The following PTPN21 variants were observed in gnomAD, a reference collection of about 807,000 sequenced individuals.
The protein encoded by PTPN21 is protein tyrosine phosphatase non-receptor type 21, also known as tyrosine-protein phosphatase non-receptor type 21.
PTPN21 carries 77 observed loss-of-function variants against 131.8 expected under a neutral mutation model. The observed-to-expected ratio is 0.58, with a 90% CI of 0.49 to 0.71. PTPN21 has a LOEUF of 0.71. PTPN21 is among the 30% of genes least tolerant of loss of function. The probability of loss-of-function intolerance (pLI) is 0.00; values close to 1 mark genes in which losing one functional copy is unlikely to be tolerated. For missense variants in PTPN21, 1,552 were observed against 1,527.1 expected, an observed-to-expected ratio of 1.02 and a Z score of -0.27; for synonymous variants, 715 against 621.3, an observed-to-expected ratio of 1.15 and a Z score of -2.24.
chr14:88,505,940 T>C (rs982985680), intron 4 of PTPN21, among the ~76,000 whole-genome samples: 1 of 152,202 alleles, frequency 6.6e-6, no homozygotes, highest in Non-Finnish European at 1.5e-5. Context: ...AAATGATACA[T>C]GTCTCCATGC....
rs371081340 is a variant in PTPN21, at chr14:88,468,983, G to A, written c.3329C>T (p.Ala1110Val). ...PNPPLLVHCSAGVGRTGVVIL... is the reference protein window; with the variant it reads ...PNPPLLVHCSVGVGRTGVVIL... ...CACCACGCCAGTCCTTCCTACCCCA[G>A]CACTGCAGTGGACCAACAACGGAGG... is the stretch of plus-strand genomic sequence containing the variant. Residue 1110 changes from alanine to valine, a missense_variant, in exon 18 of 19, where the codon GCT becomes GTT. By Grantham distance (64) the Ala-to-Val change is moderately conservative. Around this residue, in one of 4 missense-constraint regions of PTPN21, gnomAD observed 316 missense variants for 378.5 expected, o/e 0.83. Transcript: ENST00000556564. 4.3e-6 allele frequency: 7 copies of A among 1,614,010 alleles called. No homozygotes were observed. The highest frequency in any genetic ancestry group is 3.3e-5 in the Admixed American group (2 of 59,996).
chr14:88,482,296 T>C (rs2077663208), intron 12 of PTPN21, among the ~76,000 whole-genome samples: 1 of 152,084 alleles, frequency 6.6e-6, no homozygotes, highest in Admixed American at 6.6e-5. Flanking sequence ...GCTCAGGGAA[T>C]ATTGTGTGGA....
chr14:88,485,195 A>C, intron 11 of PTPN21, 35 bp from the exon 12 acceptor site: 1 of 1,364,504 alleles, frequency 7.3e-7, no homozygotes, highest in South Asian at 1.4e-5. Flanking sequence ...GGGTTGAAAC[A>C]CATTGCTTAT....
intron 2 of PTPN21, among the ~76,000 whole-genome samples, chr14:88,526,615 AAT>A (rs1198578068): frequency 6.6e-6 from 1 of 151,302 alleles, no homozygotes; most frequent in Admixed American, 6.6e-5. Context: ...TCAGTAAAAA[AAT>A]GTTTTTAAAG....
chr14:88,493,826 T>C (rs1215296806), intron 10 of PTPN21, among the ~76,000 whole-genome samples: 3 of 152,172 alleles, frequency 2.0e-5, no homozygotes, highest in African/African-American at 7.2e-5. Context: ...GACGTACCAT[T>C]TTCCTAAGGG....
intron 2 of PTPN21, chr14:88,547,537 C>A: frequency 2.7e-6 from 1 of 374,250 alleles, no homozygotes; most frequent in Middle Eastern, 4.7e-4. Flanking sequence ...ACCTGTAGTC[C>A]CAGCTCTTGG....
At chr14:88,493,070 G>A (rs1461907674) in intron 10 of PTPN21, 3 of 456,524 alleles carry the variant, frequency 6.6e-6, no homozygotes, top group African/African-American at 6.0e-5. Flanking sequence ...CCACTTACTA[G>A]TTGTGTGGCA....
intron 3 of PTPN21, among the ~76,000 whole-genome samples, chr14:88,508,532 CCCAG>C: frequency 6.6e-6 from 1 of 152,192 alleles, no homozygotes; most frequent in Middle Eastern, 3.4e-3. Context: ...AATTACTTAT[CCCAG>C]ATTATAGTTA....
At chr14:88,550,111 A>G in intron 2 of PTPN21, 127 bp downstream of exon 2, 2 of 950,178 alleles carry the variant, frequency 2.1e-6, no homozygotes, top group Non-Finnish European at 3.1e-6. Context: ...ACAGGGTTTC[A>G]CCATGTTGGC....
In PTPN21 at chr14:88,469,803, AT is replaced by A; in HGVS notation, c.3001-71del. ...GATGCCTTTCTCACATAGACGGCAC[AT>A]CTGAAACAGAACCACAACCCTACCC... On this transcript the variant is annotated intron_variant, in intron 16 of 18. Coordinates refer to ENST00000556564, the MANE Select transcript of PTPN21 (RefSeq NM_007039.4). The surrounding 1 kb of genome is among the most constrained non-coding windows in gnomAD (Gnocchi z 4.3). 1 of 1,598,024 alleles carries A rather than the reference AT, an allele frequency of 6.3e-7. No homozygotes were observed. Among genetic ancestry groups the A allele is most frequent in the Non-Finnish European group, 8.6e-7 (1 of 1,165,578 alleles).
chr14:88,526,956 C>G (rs1030123854), intron 2 of PTPN21, among the ~76,000 whole-genome samples: 7 of 152,178 alleles, frequency 4.6e-5, no homozygotes, highest in Non-Finnish European at 8.8e-5. Flanking sequence ...GTCTCCAACT[C>G]CATCTAGGTT....
chr14:88,488,666 C>T (rs957078946), intron 10 of PTPN21, among the ~76,000 whole-genome samples: 2 of 152,012 alleles, frequency 1.3e-5, no homozygotes, highest in African/African-American at 4.8e-5. Flanking sequence ...ATTAAAAAGG[C>T]TGAGCCAGGC....
chr14:88,517,043 A>G (rs753757083), intron 3 of PTPN21, 49 bp downstream of exon 3: 3 of 1,579,946 alleles, frequency 1.9e-6, no homozygotes, highest in Admixed American at 1.8e-5. Context: ...TTCACTTTTT[A>G]CATCTCACTA....
chr14:88,531,688 A>T (rs537844034), intron 2 of PTPN21, among the ~76,000 whole-genome samples: 31 of 152,206 alleles, frequency 2.0e-4, no homozygotes, highest in Non-Finnish European at 3.5e-4. Context: ...GCACACAGAC[A>T]ATCTATGCTC....
intron 13 of PTPN21, 54 bp downstream of exon 13, chr14:88,478,866 C>G: frequency 8.0e-7 from 1 of 1,249,776 alleles, no homozygotes; most frequent in Non-Finnish European, 1.1e-6. Flanking sequence ...GTGAAAGAAG[C>G]GCCAGGGCGA....
intron 6 of PTPN21, among the ~76,000 whole-genome samples, chr14:88,502,530 G>A (rs1039618974): frequency 2.0e-5 from 3 of 152,092 alleles, no homozygotes; most frequent in Admixed American, 6.6e-5. Flanking sequence ...TTGCAGGGCT[G>A]GGAATGCACT....
rs1033468991 is a variant in PTPN21 at position 88,505,315 on chromosome 14, A to C, written c.505T>G (p.Leu169Val). 1 of 1,607,290 alleles carries C rather than the reference A, an allele frequency of 6.2e-7. No homozygotes were observed. Among genetic ancestry groups the C allele is most frequent in the African/African-American group, 1.3e-5 (1 of 74,894 alleles). The change falls in exon 5 of 19, where the codon TTG becomes GTG. Residue 169 changes from leucine (L) to valine (V), a missense_variant. By Grantham distance (32) the Leu-to-Val change is conservative. Transcript: ENST00000556564. ...AAAAGAAGTCTTACCACAGGAAACA[A>C]GGCAAATTTCTGAAGAAAGTCCTGG... is the stretch of plus-strand genomic sequence containing the variant. ...ESQDFLQKFA[L>V]FPVGWLQDEK...
intron 13 of PTPN21, among the ~76,000 whole-genome samples, chr14:88,475,865 A>C (rs774244347): frequency 5.9e-5 from 9 of 152,222 alleles, no homozygotes; most frequent in Non-Finnish European, 1.3e-4. Context: ...ATTGGCTGTG[A>C]GGTCAGTTCA....
In PTPN21 at chr14:88,470,013, G is replaced by A. The variant is rs747527515; in HGVS notation, c.2909C>T (p.Thr970Ile). ...VSGIEWDYIA[T>I]QGPLQNTCQD... The stretch of plus-strand genomic sequence containing the variant: ...ACAGGTATTCTGTAATGGTCCCTGT[G>A]TGGCAATATAATCCCATTCGATTCC... Residue 970 changes from threonine to isoleucine, a missense_variant, in exon 16 of 19, where the codon ACA (threonine) becomes ATA (isoleucine). Physicochemically the swap from Thr to Ile is moderately conservative, Grantham distance 89 (BLOSUM62 -1). Around this residue, in one of 4 missense-constraint regions of PTPN21, gnomAD observed 316 missense variants for 378.5 expected, o/e 0.83. Transcript: ENST00000556564. 2 of 1,613,322 alleles carry A rather than the reference G, an allele frequency of 1.2e-6. No individual in the cohort carries two copies. The highest frequency in any genetic ancestry group is 1.7e-6 in the Non-Finnish European group (2 of 1,179,334).
Sources: allele counts gnomAD v4.1 joint callset (sites outside exome capture counted in the v4.1 genomes callset), GRCh38; gene constraint gnomAD v4.1.1; regional missense constraint gnomAD v4.1.1; non-coding constraint Gnocchi (gnomAD v3.1); transcripts MANE v1.5; gene names NCBI Gene and HGNC (gene_info 2026-07-23, HGNC 2026-07-21).